The following SLC10A7 variants were observed in gnomAD, a reference collection of about 807,000 sequenced individuals.
SLC10A7 encodes sodium/bile acid cotransporter 7.
SLC10A7 carries 29 observed loss-of-function variants against 43.2 expected under a neutral mutation model. The observed-to-expected ratio is 0.67, with a 90% CI of 0.50 to 0.92. The LOEUF (loss-of-function observed/expected upper bound fraction) is 0.92, where lower values mean the gene tolerates loss of function less well. Among genes scored for constraint, SLC10A7 ranks in the 40% least tolerant of loss-of-function variants. The probability of loss-of-function intolerance (pLI) is 0.00; values close to 1 mark genes in which losing one functional copy is unlikely to be tolerated. For synonymous variants in SLC10A7, 152 were observed against 144.8 expected (o/e 1.05, Z -0.35); for missense variants, 295 against 403.2 (o/e 0.73, Z 2.30).
chr4:146,299,179 C>T (rs1050866604), intron 7 of SLC10A7, among the ~76,000 whole-genome samples: 3 of 152,258 alleles, frequency 2.0e-5, no homozygotes, highest in African/African-American at 7.2e-5. Flanking sequence ...ACAATCCATA[C>T]AAGCGTTTAT....
chr4:146,465,446 G>A (rs1463762821), intron 4 of SLC10A7, among the ~76,000 whole-genome samples: 1 of 152,080 alleles, frequency 6.6e-6, no homozygotes, highest in East Asian at 1.9e-4. Flanking sequence ...TTCAACAACA[G>A]ATAATTTGCA....
At chr4:146,473,757 G>A (rs1255557979) in intron 4 of SLC10A7, among the ~76,000 whole-genome samples, 1 of 151,500 alleles carries the variant, frequency 6.6e-6, no homozygotes, top group Admixed American at 6.6e-5. Context: ...TTTTTTTACT[G>A]GTATTTTAAT....
At chr4:146,297,690 G>C (rs940204723) in intron 7 of SLC10A7, among the ~76,000 whole-genome samples, 3 of 151,772 alleles carry the variant, frequency 2.0e-5, no homozygotes, top group Admixed American at 2.0e-4. Context: ...ATAAAGTTTT[G>C]TTTCTTCATT....
chr4:146,427,139 G>C (rs1355964668), intron 5 of SLC10A7, among the ~76,000 whole-genome samples: 4 of 151,812 alleles, frequency 2.6e-5, no homozygotes, highest in Admixed American at 2.6e-4. Context: ...AGACCAGCTT[G>C]GGTAACACAG....
chr4:146,357,622 T>A (rs1735749443), intron 5 of SLC10A7, among the ~76,000 whole-genome samples: 1 of 152,246 alleles, frequency 6.6e-6, no homozygotes, highest in South Asian at 2.1e-4. Flanking sequence ...GAAGTAAGAT[T>A]GGTAAGCGCA....
intron 9 of SLC10A7, among the ~76,000 whole-genome samples, chr4:146,286,137 T>G (rs62327812): frequency 0.065 from 3,664 of 56,436 alleles, no homozygotes; most frequent in Middle Eastern, 0.14. Flanking sequence ...TGTGTTTGGA[T>G]TGGTGAGAAG....
intron 4 of SLC10A7, among the ~76,000 whole-genome samples, chr4:146,495,380 TA>T (rs1735791769): frequency 6.6e-6 from 1 of 152,238 alleles, no homozygotes; most frequent in African/African-American, 2.4e-5. Context: ...AGATCTACTC[TA>T]ACTGCCTTTA....
chr4:146,304,342 C>A (rs897239012), intron 7 of SLC10A7, among the ~76,000 whole-genome samples: 1 of 151,712 alleles, frequency 6.6e-6, no homozygotes, highest in African/African-American at 2.4e-5. Flanking sequence ...GAGACCTTAT[C>A]AAAAGTTGCA....
At chr4:146,368,781 C>T (rs928295928) in intron 5 of SLC10A7, among the ~76,000 whole-genome samples, 1 of 151,996 alleles carries the variant, frequency 6.6e-6, no homozygotes, top group African/African-American at 2.4e-5. Context: ...TTCAAAATAA[C>T]CTGGGAAAAA....
intron 1 of SLC10A7, among the ~76,000 whole-genome samples, chr4:146,519,365 C>T (rs1440567148): frequency 1.4e-5 from 2 of 145,418 alleles, no homozygotes; most frequent in African/African-American, 5.1e-5. Flanking sequence ...AGAGAGATGA[C>T]CTACTATGTC....
intron 5 of SLC10A7, among the ~76,000 whole-genome samples, chr4:146,384,092 G>A (rs1019017486): frequency 9.2e-5 from 14 of 152,048 alleles, no homozygotes; most frequent in South Asian, 6.2e-4. Flanking sequence ...GCTTTCCCAC[G>A]TGAGCAGTGC....
chr4:146,305,601 A>G (rs1731509874), intron 7 of SLC10A7, among the ~76,000 whole-genome samples: 1 of 152,030 alleles, frequency 6.6e-6, no homozygotes, highest in Admixed American at 6.6e-5. Flanking sequence ...ACTTAAAAAA[A>G]AAAGACTTGC....
intron 6 of SLC10A7, among the ~76,000 whole-genome samples, chr4:146,308,482 C>T (rs886520375): frequency 1.3e-5 from 2 of 152,124 alleles, no homozygotes; most frequent in Non-Finnish European, 2.9e-5. Context: ...AAAACCCAAT[C>T]ACTCTGCATG....
In SLC10A7 at chr4:146,254,259, T is replaced by C. The variant is rs955954782; in HGVS notation, c.*2232A>G. 1 of 148,398 alleles carries C rather than the reference T, an allele frequency of 6.7e-6. No individual in the cohort carries two copies. The highest frequency in any genetic ancestry group is 2.5e-5 in the African/African-American group (1 of 40,060). 9.2% of individuals were successfully genotyped at this position (148,398 alleles called of 1,614,324 possible). A position where few individuals can be genotyped will look rare whatever the true frequency, so the allele number is the denominator to read the frequency against. On this transcript the variant is annotated 3_prime_UTR_variant, in exon 12 of 12. Transcript: ENST00000335472. ...TAACAACCATTAAAAAAAATCCAGG[T>C]GGAAAAATGAGTAAACATAAATATA...
At chr4:146,274,528 A>C (rs1991978) in intron 10 of SLC10A7, among the ~76,000 whole-genome samples, 71,824 of 151,924 alleles carry the variant, frequency 0.47, 17,176 homozygotes, top group Admixed American at 0.57. Flanking sequence ...TATTAATAAA[A>C]TACTGGCATA....
At chr4:146,273,530 A>C (rs1729020902) in intron 10 of SLC10A7, among the ~76,000 whole-genome samples, 1 of 152,184 alleles carries the variant, frequency 6.6e-6, no homozygotes, top group Admixed American at 6.5e-5. Flanking sequence ...TAGAGGTTTC[A>C]AGTGAGACAG....
chr4:146,479,361 A>G (rs908742552), intron 4 of SLC10A7, among the ~76,000 whole-genome samples: 2 of 152,200 alleles, frequency 1.3e-5, no homozygotes, highest in African/African-American at 4.8e-5. Flanking sequence ...TTATCATAAC[A>G]CTACCTACTC....
intron 4 of SLC10A7, among the ~76,000 whole-genome samples, chr4:146,470,858 A>G (rs1025412579): frequency 2.0e-5 from 3 of 152,202 alleles, no homozygotes; most frequent in African/African-American, 7.2e-5. Context: ...ACTAGCACTA[A>G]TAACAACCAC....
chr4:146,359,005 A>G (rs1735856695), intron 5 of SLC10A7, among the ~76,000 whole-genome samples: 1 of 152,198 alleles, frequency 6.6e-6, no homozygotes, highest in African/African-American at 2.4e-5. Flanking sequence ...GCAATGTATT[A>G]GAATTCCAGT....
Sources: allele counts gnomAD v4.1 joint callset (sites outside exome capture counted in the v4.1 genomes callset), GRCh38; gene constraint gnomAD v4.1.1; transcripts MANE v1.5; gene names NCBI Gene and HGNC (gene_info 2026-07-23, HGNC 2026-07-21).